The following NKAIN3 variants were observed in gnomAD, a reference collection of about 807,000 sequenced individuals.
NKAIN3 encodes the protein sodium/potassium-transporting ATPase subunit beta-1-interacting protein 3.
Under a neutral mutation model 30.2 loss-of-function variants are expected in NKAIN3, and 25 were observed. The observed-to-expected ratio is 0.83, with a 90% CI of 0.60 to 1.16. NKAIN3 has a LOEUF of 1.16. Ranked by LOEUF, NKAIN3 falls within the 50% of genes most tolerant of loss-of-function variation. The pLI is 0.00. For synonymous variants in NKAIN3, 91 were observed against 89.6 expected (o/e 1.02, Z -0.09); for missense variants, 225 against 254.1 (o/e 0.89, Z 0.78).
At chr8:62,923,721 A>T (rs549222760) in intron 5 of NKAIN3, among the ~76,000 whole-genome samples, 53 of 152,260 alleles carry the variant, frequency 3.5e-4, no homozygotes, top group African/African-American at 1.2e-3. Context: ...CTCATCTGCA[A>T]CATGTGGTGA....
intron 1 of NKAIN3, among the ~76,000 whole-genome samples, chr8:62,300,742 C>G (rs1814018196): frequency 6.6e-6 from 1 of 152,126 alleles, no homozygotes; most frequent in Non-Finnish European, 1.5e-5. Context: ...GGAGAAGTCA[C>G]AGTCAGCTGC....
At chr8:62,790,692 G>T (rs1384089226) in intron 4 of NKAIN3, among the ~76,000 whole-genome samples, 1 of 145,978 alleles carries the variant, frequency 6.9e-6, no homozygotes, top group African/African-American at 2.6e-5. Flanking sequence ...CCAGGCACTG[G>T]GGATACACAG....
intron 4 of NKAIN3, among the ~76,000 whole-genome samples, chr8:62,805,809 A>G (rs1331862905): frequency 2.0e-5 from 3 of 152,214 alleles, no homozygotes; most frequent in African/African-American, 4.8e-5. Flanking sequence ...AATGGGATCT[A>G]ATTAAACTAA....
chr8:62,491,124 A>C (rs1230661015), intron 1 of NKAIN3, among the ~76,000 whole-genome samples: 1 of 152,126 alleles, frequency 6.6e-6, no homozygotes, highest in Non-Finnish European at 1.5e-5. Context: ...AAGGAGAAAT[A>C]GTAAATACCC....
intron 1 of NKAIN3, among the ~76,000 whole-genome samples, chr8:62,553,098 T>C (rs551201400): frequency 6.6e-6 from 1 of 152,288 alleles, no homozygotes; most frequent in East Asian, 1.9e-4. Flanking sequence ...TTGCTATTTT[T>C]ATCACTCTAG....
intron 1 of NKAIN3, among the ~76,000 whole-genome samples, chr8:62,496,576 T>C (rs942525053): frequency 2.6e-5 from 4 of 152,166 alleles, no homozygotes; most frequent in Non-Finnish European, 5.9e-5. Context: ...GTCATCCTAG[T>C]GTCATTTGTT....
At chr8:62,884,659 G>A (rs536797380) in intron 4 of NKAIN3, among the ~76,000 whole-genome samples, 13 of 149,702 alleles carry the variant, frequency 8.7e-5, no homozygotes, top group East Asian at 2.0e-4. Flanking sequence ...TATAGATTCC[G>A]TTTCTTTAAT....
At chr8:62,910,028 C>T (rs1821886859) in intron 4 of NKAIN3, among the ~76,000 whole-genome samples, 1 of 152,024 alleles carries the variant, frequency 6.6e-6, no homozygotes, top group Non-Finnish European at 1.5e-5. Context: ...ACTGTGCATT[C>T]CTACATTTAT....
chr8:62,352,496 A>G (rs2129591854), intron 1 of NKAIN3, among the ~76,000 whole-genome samples: 1 of 152,320 alleles, frequency 6.6e-6, no homozygotes, highest in Non-Finnish European at 1.5e-5. Flanking sequence ...AAATAAAAAC[A>G]TGCACAGACA....
chr8:62,786,622 G>C (rs1817528561), intron 4 of NKAIN3, among the ~76,000 whole-genome samples: 1 of 152,120 alleles, frequency 6.6e-6, no homozygotes, highest in African/African-American at 2.4e-5. Flanking sequence ...ATTGCATTCT[G>C]TCAAACAGCT....
At chr8:62,657,903 G>A (rs551413310) in intron 3 of NKAIN3, among the ~76,000 whole-genome samples, 102 of 152,270 alleles carry the variant, frequency 6.7e-4, no homozygotes, top group Non-Finnish European at 1.3e-3. Flanking sequence ...TCCTTCAGCA[G>A]GCATTTAGTG....
chr8:62,416,011 C>T (rs1804433934), intron 1 of NKAIN3, among the ~76,000 whole-genome samples: 1 of 152,156 alleles, frequency 6.6e-6, no homozygotes, highest in Non-Finnish European at 1.5e-5. Context: ...CTGCCTCAGC[C>T]TCCCAAAGTG....
chr8:62,548,821 A>AAATATATATGTATGT (rs1554546090), intron 1 of NKAIN3, among the ~76,000 whole-genome samples: 82 of 151,072 alleles, frequency 5.4e-4, no homozygotes, highest in Middle Eastern at 3.5e-3. Context: ...ATATATGATG[A>AAATATATATGTATGT]ACAAATAAAA....
chr8:62,379,905 A>C (rs1203013123), intron 1 of NKAIN3, among the ~76,000 whole-genome samples: 1 of 152,126 alleles, frequency 6.6e-6, no homozygotes, highest in Non-Finnish European at 1.5e-5. Context: ...ACATTTTCAT[A>C]TTACAGATGA....
chr8:62,773,536 C>T (rs1817089692), intron 4 of NKAIN3, among the ~76,000 whole-genome samples: 1 of 152,064 alleles, frequency 6.6e-6, no homozygotes, highest in African/African-American at 2.4e-5. Flanking sequence ...TGTCCCTGCC[C>T]AAATCTCATC....
intron 1 of NKAIN3, among the ~76,000 whole-genome samples, chr8:62,495,069 C>G (rs1373987214): frequency 2.0e-5 from 3 of 152,038 alleles, no homozygotes; most frequent in South Asian, 2.1e-4. Context: ...TTATCAGAGG[C>G]CCTTTATTGC....
intron 4 of NKAIN3, among the ~76,000 whole-genome samples, chr8:62,776,034 C>T (rs1817181477): frequency 6.6e-6 from 1 of 151,982 alleles, no homozygotes; most frequent in African/African-American, 2.4e-5. Flanking sequence ...TCTTCTTCAT[C>T]TCTTTTTGTA....
At chr8:62,585,563 A>G (rs747826701) in intron 2 of NKAIN3, among the ~76,000 whole-genome samples, 4 of 152,112 alleles carry the variant, frequency 2.6e-5, no homozygotes. Context: ...GTTCCACCTC[A>G]GATCATCAGG....
chr8:62,339,837 G>A (rs1291527541), intron 1 of NKAIN3, among the ~76,000 whole-genome samples: 1 of 151,076 alleles, frequency 6.6e-6, no homozygotes, highest in Non-Finnish European at 1.5e-5. Flanking sequence ...GATTGTTAAA[G>A]AAAAAAAATC....
Sources: allele counts gnomAD v4.1 joint callset (sites outside exome capture counted in the v4.1 genomes callset), GRCh38; gene constraint gnomAD v4.1.1; transcripts MANE v1.5; gene names NCBI Gene and HGNC (gene_info 2026-07-23, HGNC 2026-07-21).